RSPH14: variants seen among roughly 807,000 people sequenced by gnomAD.
The protein encoded by RSPH14 is radial spoke head 14 homolog.
In RSPH14, 20 loss-of-function variants were observed where a neutral mutation model predicts 26.7. The observed-to-expected ratio is 0.75, with a 90% confidence interval of 0.53 to 1.09. The LOEUF (loss-of-function observed/expected upper bound fraction) is 1.09. RSPH14 is among the 50% of genes least tolerant of loss of function. The pLI, the probability that RSPH14 is intolerant of heterozygous loss-of-function variation, is 0.00. For missense variants in RSPH14, 449 were observed against 457.2 expected (o/e 0.98, Z 0.16); for synonymous variants, 177 against 189.3 (o/e 0.93, Z 0.53).
chr22:23,059,806 C>T (rs541503153), intron 6 of RSPH14, 88 bp from the exon 7 acceptor site: 222 of 1,393,360 alleles, frequency 1.6e-4, no homozygotes, highest in Non-Finnish European at 2.0e-4. Context: ...TGACCCTCCT[C>T]CTTGTGCAGT....
At chr22:23,128,473 G>A (rs5759594) in intron 4 of RSPH14, among the ~76,000 whole-genome samples, 74,150 of 152,000 alleles carry the variant, frequency 0.49, 18,741 homozygotes, top group Middle Eastern at 0.58. Context: ...CTCCTGACAC[G>A]GCACCACCAC....
chr22:23,124,303 G>T, intron 4 of RSPH14: 1 of 270,618 alleles, frequency 3.7e-6, no homozygotes, highest in Non-Finnish European at 8.4e-6. Context: ...TTTTTTAAAT[G>T]CAGATTTTCA....
the RSPH14 span, among the ~76,000 whole-genome samples, chr22:23,150,402 T>C: frequency 7.3e-5 from 11 of 151,294 alleles, no homozygotes; most frequent in East Asian, 9.8e-4. Flanking sequence ...CCCGGGTTCA[T>C]GCCATTCTCC....
chr22:23,134,061 T>G lies in RSPH14; in HGVS notation c.386A>C (p.Tyr129Ser), dbSNP rs2070415686. The change falls in exon 4 of 7, where the codon TAC (tyrosine) becomes TCC (serine). Residue 129 changes from tyrosine to serine, a missense_variant. Coordinates refer to ENST00000216036, the MANE Select transcript of RSPH14 (RefSeq NM_014433.3). The stretch of plus-strand genomic sequence containing the variant: ...CTGGACCAGCTGCATGTATGCCTTG[T>G]ACAGGTTCCCCCGGCAGACTGGGCT... Reference protein sequence around the residue: ...DPSPVCRGNLYKAYMQLVQVP... With the variant: ...DPSPVCRGNLSKAYMQLVQVP... 6.2e-7 allele frequency: 1 copy of G among 1,613,702 alleles called. No individual in the cohort carries two copies. Among genetic ancestry groups the G allele is most frequent in the Non-Finnish European group, 8.5e-7 (1 of 1,179,822 alleles).
intron 4 of RSPH14, among the ~76,000 whole-genome samples, chr22:23,128,875 G>A (rs1203595773): frequency 6.6e-6 from 1 of 152,210 alleles, no homozygotes; most frequent in African/African-American, 2.4e-5. Context: ...CTAGCCACAT[G>A]CCAGGCGCCC....
chr22:23,151,241 G>T, the RSPH14 span, among the ~76,000 whole-genome samples: 4 of 152,336 alleles, frequency 2.6e-5, no homozygotes, highest in East Asian at 7.7e-4. Flanking sequence ...GGGGAATGCT[G>T]GTGCCATATC....
At chr22:23,145,295 CG>C, upstream of RSPH14, 1 of 1,445,480 alleles carries the variant, frequency 6.9e-7, no homozygotes, top group Non-Finnish European at 9.5e-7. Flanking sequence ...TGGTGATCTC[CG>C]GCTCTCCAGG....
intron 4 of RSPH14, among the ~76,000 whole-genome samples, chr22:23,122,029 C>T (rs990417936): frequency 6.6e-6 from 1 of 152,160 alleles, no homozygotes; most frequent in East Asian, 1.9e-4. Flanking sequence ...CGGCGCCTGG[C>T]CAGAAAAGTT....
At chr22:23,100,285 G>A (rs2146329597) in intron 4 of RSPH14, among the ~76,000 whole-genome samples, 1 of 152,366 alleles carries the variant, frequency 6.6e-6, no homozygotes, top group East Asian at 1.9e-4. Flanking sequence ...AGAGCTGGCA[G>A]GCAGCAGTTC....
chr22:23,152,178 G>A, the RSPH14 span, among the ~76,000 whole-genome samples: 1 of 152,186 alleles, frequency 6.6e-6, no homozygotes, highest in African/African-American at 2.4e-5. Context: ...CCCTCCACCT[G>A]TGACTCGGCC....
intron 4 of RSPH14, among the ~76,000 whole-genome samples, chr22:23,098,527 G>C (rs2069192215): frequency 6.6e-6 from 1 of 152,248 alleles, no homozygotes; most frequent in African/African-American, 2.4e-5. Context: ...ATCCCTGTGA[G>C]GTTCCAGGCA....
intron 4 of RSPH14, among the ~76,000 whole-genome samples, chr22:23,113,913 C>G (rs553629618): frequency 1.3e-5 from 2 of 152,372 alleles, no homozygotes; most frequent in Non-Finnish European, 2.9e-5. Context: ...ATGTTGGTCA[C>G]TGTGTCAGCA....
At chr22:23,109,876 C>G (rs56967548) in intron 4 of RSPH14, among the ~76,000 whole-genome samples, 1 of 152,210 alleles carries the variant, frequency 6.6e-6, no homozygotes, top group Non-Finnish European at 1.5e-5. Context: ...ACCAGCCCCC[C>G]ACCTCTCAGT....
chr22:23,180,428 G>T, the RSPH14 span: 1 of 169,832 alleles, frequency 5.9e-6, no homozygotes, highest in South Asian at 1.8e-4. Context: ...CTGTGCCCAC[G>T]GCGCGGCCCC....
At chr22:23,059,795 C>T (rs1341482483) in intron 6 of RSPH14, 77 bp from the exon 7 acceptor site, 12 of 1,433,478 alleles carry the variant, frequency 8.4e-6, no homozygotes, top group Non-Finnish European at 1.0e-5. Flanking sequence ...TAGCCCTCTC[C>T]TGACCCTCCT....
the RSPH14 span, among the ~76,000 whole-genome samples, chr22:23,155,402 C>G: frequency 6.6e-6 from 1 of 152,190 alleles, no homozygotes; most frequent in Non-Finnish European, 1.5e-5. Flanking sequence ...GGCTTTGCTT[C>G]TAATTTCTTC....
chr22:23,152,937 G>C, the RSPH14 span: 1 of 869,182 alleles, frequency 1.2e-6, no homozygotes, highest in Non-Finnish European at 1.9e-6. Context: ...ATGGGAAGTG[G>C]ACCTTATTTG....
chr22:23,062,095 C>G, intron 5 of RSPH14, 150 bp from the exon 6 acceptor site: 1 of 975,500 alleles, frequency 1.0e-6, no homozygotes, highest in Non-Finnish European at 1.5e-6. Flanking sequence ...CAGGACTGGT[C>G]ATGGCAGGGA....
At chr22:23,127,725 T>C (rs1336711914) in intron 4 of RSPH14, among the ~76,000 whole-genome samples, 1 of 152,146 alleles carries the variant, frequency 6.6e-6, no homozygotes, top group East Asian at 1.9e-4. Context: ...GTGGTATAGC[T>C]GTAGACCCCC....
Sources: gnomAD v4.1 joint callset for allele counts (sites outside exome capture counted in the v4.1 genomes callset) on GRCh38, gnomAD v4.1.1 for gene constraint, MANE v1.5 for transcripts, NCBI Gene and HGNC (gene_info 2026-07-23, HGNC 2026-07-21) for gene names.